Variants in TRHDE observed in about 807,000 individuals in gnomAD.
TRHDE encodes thyrotropin-releasing hormone-degrading ectoenzyme.
A neutral mutation model predicts 125.7 loss-of-function variants in TRHDE; 72 were observed. That is an observed-to-expected ratio of 0.57 (90% CI 0.47 to 0.70). The LOEUF (loss-of-function observed/expected upper bound fraction) is 0.70. Ranked by LOEUF, TRHDE falls within the 30% of genes least tolerant of loss-of-function variation. TRHDE has a pLI of 0.00. For synonymous variants in TRHDE, 509 were observed against 509.1 expected, an observed-to-expected ratio of 1.00 and a Z score of 0.00; for missense variants, 1,110 against 1,327.1, an observed-to-expected ratio of 0.84 and a Z score of 2.54.
intron 2 of TRHDE, among the ~76,000 whole-genome samples, chr12:72,266,420 A>G (rs182834620): frequency 1.8e-4 from 28 of 152,070 alleles, no homozygotes; most frequent in African/African-American, 6.3e-4. Flanking sequence ...AAAATAAGCT[A>G]TAGTCAACTC....
At chr12:72,573,140 T>A (rs17111470) in intron 10 of TRHDE, among the ~76,000 whole-genome samples, 3 of 151,686 alleles carry the variant, frequency 2.0e-5, no homozygotes, top group African/African-American at 7.3e-5. Context: ...TCAAGGTTGC[T>A]AAGGTTTTTA....
At chr12:72,238,681 A>C (rs1878413482) in intron 2 of TRHDE, among the ~76,000 whole-genome samples, 1 of 151,814 alleles carries the variant, frequency 6.6e-6, no homozygotes, top group African/African-American at 2.4e-5. Flanking sequence ...GCTAAGAATG[A>C]TGGTTTCCAG....
intron 2 of TRHDE, among the ~76,000 whole-genome samples, chr12:72,290,774 G>A (rs113581325): frequency 0.01 from 1,559 of 152,314 alleles, 28 homozygotes; most frequent in African/African-American, 0.036. Flanking sequence ...GCCTTAGGAT[G>A]GTTGGCCTTC....
chr12:72,383,028 A>G (rs943778302), intron 3 of TRHDE, among the ~76,000 whole-genome samples: 1 of 152,206 alleles, frequency 6.6e-6, no homozygotes, highest in Non-Finnish European at 1.5e-5. Flanking sequence ...TTGATAAGCC[A>G]ACATAAGTAA....
chr12:72,525,632 T>TGA (rs1245699565), intron 6 of TRHDE, among the ~76,000 whole-genome samples: 2 of 147,048 alleles, frequency 1.4e-5, no homozygotes, highest in Non-Finnish European at 3.0e-5. Context: ...TGTGTGTGTG[T>TGA]GTGAGAGAGA....
chr12:72,392,265 G>A (rs1465992400), intron 3 of TRHDE, among the ~76,000 whole-genome samples: 1 of 152,170 alleles, frequency 6.6e-6, no homozygotes, highest in Non-Finnish European at 1.5e-5. Context: ...TCATTTTGCT[G>A]AGATTTGTAG....
intron 2 of TRHDE, among the ~76,000 whole-genome samples, chr12:72,220,401 C>T (rs1877979225): frequency 6.6e-6 from 1 of 152,098 alleles, no homozygotes. Context: ...TGAGACAGTA[C>T]CTGGCAGGCA....
At chr12:72,287,597 C>T (rs1198252926) in intron 2 of TRHDE, among the ~76,000 whole-genome samples, 4 of 152,056 alleles carry the variant, frequency 2.6e-5, no homozygotes, top group Non-Finnish European at 5.9e-5. Flanking sequence ...CACACACACA[C>T]ACACACACTT....
At chr12:72,205,114 T>C (rs1453114322) in intron 2 of TRHDE, among the ~76,000 whole-genome samples, 3 of 152,214 alleles carry the variant, frequency 2.0e-5, no homozygotes, top group African/African-American at 7.2e-5. Context: ...AATCCCTCCA[T>C]AGCGTATGTT....
At chr12:72,495,609 T>C (rs1877882381) in intron 5 of TRHDE, among the ~76,000 whole-genome samples, 1 of 152,130 alleles carries the variant, frequency 6.6e-6, no homozygotes, top group Admixed American at 6.6e-5. Context: ...TTATCTGTAC[T>C]TTTTTGTACT....
chr12:72,335,271 A>G (rs1869780113), intron 2 of TRHDE, among the ~76,000 whole-genome samples: 1 of 152,206 alleles, frequency 6.6e-6, no homozygotes, highest in Non-Finnish European at 1.5e-5. Context: ...GATTTCAGGG[A>G]GTACACCCCA....
chr12:72,435,912 CA>C (rs900791300), intron 3 of TRHDE, among the ~76,000 whole-genome samples: 2 of 150,106 alleles, frequency 1.3e-5, no homozygotes, highest in Non-Finnish European at 1.5e-5. Context: ...GTAGGAAAGG[CA>C]AAAAAAAGTA....
At chr12:72,149,544 A>C (rs1876308316) in intron 2 of TRHDE, among the ~76,000 whole-genome samples, 1 of 152,162 alleles carries the variant, frequency 6.6e-6, no homozygotes, top group Non-Finnish European at 1.5e-5. Context: ...TTTCAAAGCA[A>C]GATTAGAGTT....
intron 2 of TRHDE, among the ~76,000 whole-genome samples, chr12:72,114,026 C>T (rs193092762): frequency 6.6e-6 from 1 of 151,914 alleles, no homozygotes; most frequent in East Asian, 1.9e-4. Flanking sequence ...TTGGTTCTGT[C>T]AGTCTTTCTC....
At position 72,167,887 on chromosome 12, in the gene TRHDE, G is replaced by A. The variant is rs117413849; in HGVS notation, n.279+62135G>A. Among the ~76,000 whole-genome samples the A allele has an allele frequency of 6.8e-4, 104 of 152,278 alleles. 1 individual carries two copies. In the East Asian group the frequency reaches 0.016, roughly 24 times the overall value. ...TGTTCAGAGGCCTAAGTATCTAAGA[G>A]AAGACTGTGTCCTCCAGGGGTACAA... On this transcript the variant is annotated intron_variant and non_coding_transcript_variant, in intron 2 of 4. Coordinates refer to the TRHDE transcript ENST00000548156.
chr12:72,636,029 A>G (rs1873732235), intron 15 of TRHDE, among the ~76,000 whole-genome samples: 1 of 150,494 alleles, frequency 6.6e-6, no homozygotes, highest in African/African-American at 2.4e-5. Context: ...GTTTTTTCCA[A>G]TTCTGTGAAG....
At chr12:72,369,400 A>G (rs1871473375) in intron 2 of TRHDE, among the ~76,000 whole-genome samples, 1 of 152,178 alleles carries the variant, frequency 6.6e-6, no homozygotes, top group Admixed American at 6.6e-5. Flanking sequence ...AAGAATACAC[A>G]GGAGTAAAGG....
chr12:72,195,908 T>G (rs1001402157), intron 2 of TRHDE, among the ~76,000 whole-genome samples: 7 of 152,156 alleles, frequency 4.6e-5, no homozygotes, highest in African/African-American at 1.7e-4. Flanking sequence ...GTATATAAGG[T>G]GAAAGGTATG....
At chr12:72,335,053 C>T (rs1869768735) in intron 2 of TRHDE, among the ~76,000 whole-genome samples, 1 of 152,210 alleles carries the variant, frequency 6.6e-6, no homozygotes. Context: ...GTTCTTACCT[C>T]TGGCCACAGC....
Sources: allele counts gnomAD v4.1 joint callset (sites outside exome capture counted in the v4.1 genomes callset), GRCh38; gene constraint gnomAD v4.1.1; transcripts MANE v1.5; gene names NCBI Gene and HGNC (gene_info 2026-07-23, HGNC 2026-07-21).